The following PRKD2 variants were observed in gnomAD, a reference collection of about 807,000 sequenced individuals.
PRKD2 encodes serine/threonine-protein kinase D2.
In PRKD2, 22 loss-of-function variants were observed where a neutral mutation model predicts 86.0. That is an observed-to-expected ratio of 0.26 (90% CI 0.18 to 0.37). The LOEUF (loss-of-function observed/expected upper bound fraction) is 0.37, where lower values mean the gene tolerates loss of function less well. Among genes scored for constraint, PRKD2 ranks in the 10% least tolerant of loss-of-function variants. The probability of loss-of-function intolerance (pLI) is 1.00; values close to 1 mark genes in which losing one functional copy is unlikely to be tolerated. For synonymous variants in PRKD2, 509 were observed against 510.9 expected, an observed-to-expected ratio of 1.00 and a Z score of 0.05; for missense variants, 818 against 1,199.2, an observed-to-expected ratio of 0.68 and a Z score of 4.70.
At chr19:46,711,925 A>G (rs980112851) in intron 2 of PRKD2, among the ~76,000 whole-genome samples, 5 of 151,496 alleles carry the variant, frequency 3.3e-5, no homozygotes, top group Admixed American at 3.3e-4. Flanking sequence ...AAAATTAGCC[A>G]GGCCTGGTGC....
At chr19:46,680,114 T>G (rs776312707) in intron 15 of PRKD2, among the ~76,000 whole-genome samples, 21 of 152,044 alleles carry the variant, frequency 1.4e-4, no homozygotes, top group Non-Finnish European at 2.6e-4. Flanking sequence ...GAGCCCCAAA[T>G]CCTTGAAGCC....
At chr19:46,705,535 C>G (rs1316548116) in intron 3 of PRKD2, among the ~76,000 whole-genome samples, 1 of 152,146 alleles carries the variant, frequency 6.6e-6, no homozygotes, top group Non-Finnish European at 1.5e-5. Flanking sequence ...GCCTGTAATC[C>G]CAGCACTTTG....
intron 15 of PRKD2, among the ~76,000 whole-genome samples, chr19:46,680,946 A>ATTTTTT (rs1222612655): frequency 6.2e-4 from 30 of 48,200 alleles, no homozygotes; most frequent in Non-Finnish European, 9.7e-4. Context: ...ATATATATAT[A>ATTTTTT]TTTTTTTTTT....
rs61231695 is a variant in PRKD2, at chr19:46,708,308, CTTTT to C, written c.511+2595_511+2598del. On this transcript the variant is annotated intron_variant, in intron 3 of 17. Coordinates refer to ENST00000291281, the MANE Select transcript of PRKD2 (RefSeq NM_016457.5). ...GCTGTAATCCAATGGGACTGGTGAC[CTTTT>C]TTTTTTTTTTTTTTTTTTTTTTTCT... 9.7e-5 allele frequency among the ~76,000 whole-genome samples: 8 copies of C among 82,160 alleles called. 1 individual carries two copies. Among genetic ancestry groups the C allele is most frequent in the Admixed American group, 1.4e-4 (1 of 7,090 alleles). The allele number at this position is 82,160 out of a possible 152,430, so 53.9% of individuals were successfully genotyped here. A position where few individuals can be genotyped will look rare whatever the true frequency, so the allele number is the denominator to read the frequency against.
intron 16 of PRKD2, among the ~76,000 whole-genome samples, chr19:46,675,539 G>A (rs2053187188): frequency 6.6e-6 from 1 of 152,132 alleles, no homozygotes; most frequent in African/African-American, 2.4e-5. Context: ...CGCCTCCCGG[G>A]TTCATGTGAT....
Position 46,703,957 on chromosome 19 carries a change from CAA to C in PRKD2, c.889+210_889+211del, listed in dbSNP as rs1491474425. ...ACACCCTGTCTCCAAAAAACAACAACAACACACACACACACACACACACACAC... is the reference window on the plus strand; with the variant it reads ...ACACCCTGTCTCCAAAAAACAACAACCACACACACACACACACACACACAC... On this transcript the variant is annotated intron_variant, in intron 5 of 17. Coordinates refer to ENST00000291281, the MANE Select transcript of PRKD2 (RefSeq NM_016457.5). Among the ~76,000 whole-genome samples, 29 of 39,150 alleles carry C rather than the reference CAA, an allele frequency of 7.4e-4. No homozygotes were observed. The South Asian group carries it at 0.024, about 33-fold the overall frequency. 25.7% of individuals were successfully genotyped at this position (39,150 alleles called of 152,430 possible). A position where few individuals can be genotyped will look rare whatever the true frequency, so the allele number is the denominator to read the frequency against.
intron 15 of PRKD2, among the ~76,000 whole-genome samples, chr19:46,681,295 T>C (rs565144519): frequency 7.0e-6 from 1 of 143,530 alleles, no homozygotes; most frequent in East Asian, 2.2e-4. Context: ...CACTCTGTTA[T>C]TCAGGCTGGA....
intron 5 of PRKD2, among the ~76,000 whole-genome samples, chr19:46,703,867 C>A (rs1460456878): frequency 6.6e-6 from 1 of 151,646 alleles, no homozygotes; most frequent in South Asian, 2.1e-4. Flanking sequence ...TCACTTGAAC[C>A]CAGGAGGTTG....
chr19:46,713,705 T>C (rs984660323), intron 2 of PRKD2, among the ~76,000 whole-genome samples, 158 bp downstream of exon 2: 2 of 150,644 alleles, frequency 1.3e-5, no homozygotes, highest in Non-Finnish European at 3.0e-5. Context: ...GCTCAAGCGA[T>C]CCCCCCAGCT....
rs1484044263 is a variant in PRKD2 at position 46,678,736 on chromosome 19, C to T, written c.2071-73G>A. 6 of 1,494,740 alleles carry T rather than the reference C, an allele frequency of 4.0e-6. No homozygotes were observed. Among genetic ancestry groups the T allele is most frequent in the Non-Finnish European group, 5.4e-6 (6 of 1,109,370 alleles). 92.6% of individuals were successfully genotyped at this position (1,494,740 alleles called of 1,614,324 possible). On this transcript the variant is annotated intron_variant, in intron 15 of 17. Transcript: ENST00000291281. This position sits in a 1 kb window ranked among gnomAD's most constrained non-coding sequence, Gnocchi z 5.7. ...CCACCCCAGCATCCCCACCACACCACCCTCCATGGTATTCCAGAGAAAGCT... is the reference window on the plus strand; with the variant it reads ...CCACCCCAGCATCCCCACCACACCATCCTCCATGGTATTCCAGAGAAAGCT...
rs762970505 is a variant in PRKD2, at chr19:46,691,350, T to C, written c.1702+385A>G. 1.7e-4 allele frequency among the ~76,000 whole-genome samples: 26 copies of C among 152,098 alleles called. 1 individual carries two copies. Among genetic ancestry groups the C allele is most frequent in the Middle Eastern group, 3.4e-3 (1 of 294 alleles). Reference sequence around the variant, plus strand: ...GCCAGAGTGCAGAATCTACCCTCTTTTCCAATCAGAATCTACGAACTAGTT... The same window carrying C: ...GCCAGAGTGCAGAATCTACCCTCTTCTCCAATCAGAATCTACGAACTAGTT... On this transcript the variant is annotated intron_variant, in intron 12 of 17. Coordinates refer to ENST00000291281, the MANE Select transcript of PRKD2 (RefSeq NM_016457.5).
At chr19:46,681,783 G>T in intron 14 of PRKD2, 35 bp from the exon 15 acceptor site, 2 of 1,410,088 alleles carry the variant, frequency 1.4e-6, no homozygotes, top group Non-Finnish European at 2.0e-6. Flanking sequence ...AAGAAAGGTA[G>T]ATAGGTACTC....
At chr19:46,713,188 T>TTTA (rs1182816347) in intron 2 of PRKD2, among the ~76,000 whole-genome samples, 2 of 109,000 alleles carry the variant, frequency 1.8e-5, no homozygotes, top group Non-Finnish European at 3.2e-5. Flanking sequence ...CCGGTTAACT[T>TTTA]TTTTTTTTTT....
intron 5 of PRKD2, among the ~76,000 whole-genome samples, chr19:46,702,034 T>G (rs201554860): frequency 3.0e-4 from 39 of 131,676 alleles, no homozygotes; most frequent in African/African-American, 1.3e-3. Flanking sequence ...TGATTCTGTT[T>G]TTTGTTTTTT....
intron 14 of PRKD2, 139 bp from the exon 15 acceptor site, chr19:46,681,887 T>C: frequency 1.8e-6 from 1 of 561,438 alleles, no homozygotes. Flanking sequence ...TAGCCCAGGC[T>C]GGAAGTGCAG....
rs753426610 is a variant in PRKD2, at chr19:46,678,619, C to T, written c.2115G>A (p.Lys705=). 3 of 1,611,252 alleles carry T rather than the reference C, an allele frequency of 1.9e-6. No individual in the cohort carries two copies. The highest frequency in any genetic ancestry group is 2.5e-6 in the Non-Finnish European group (3 of 1,180,016). The change falls in exon 16 of 18, where the codon AAG becomes AAA. Residue 705 remains lysine (K), a synonymous_variant. Coordinates refer to ENST00000291281, the MANE Select transcript of PRKD2 (RefSeq NM_016457.5). The surrounding 1 kb of genome is among the most constrained non-coding windows in gnomAD (Gnocchi z 5.7). ...DFGFARIIGE[K]SFRRSVVGTP... ...TGCCCACCACTGAGCGGCGGAACGACTTCTCGCCGATGATGCGAGCAAAGC... is the reference window on the plus strand; with the variant it reads ...TGCCCACCACTGAGCGGCGGAACGATTTCTCGCCGATGATGCGAGCAAAGC...
intron 5 of PRKD2, among the ~76,000 whole-genome samples, chr19:46,703,771 CAAA>C (rs1185254793): frequency 8.7e-6 from 1 of 114,588 alleles, no homozygotes. Context: ...GACTCCGTCT[CAAA>C]AAAAAAAAAA....
intron 2 of PRKD2, among the ~76,000 whole-genome samples, chr19:46,712,338 C>A (rs150566955): frequency 6.6e-6 from 1 of 151,938 alleles, no homozygotes; most frequent in East Asian, 1.9e-4. Context: ...ATCAGCAGTT[C>A]GAGACCAGCC....
intron 3 of PRKD2, among the ~76,000 whole-genome samples, chr19:46,706,411 G>A (rs549065021): frequency 1.7e-4 from 26 of 152,286 alleles, no homozygotes; most frequent in South Asian, 1.2e-3. Flanking sequence ...CTGTAATCAC[G>A]GAGGCAAGCT....
Sources: allele counts gnomAD v4.1 joint callset (sites outside exome capture counted in the v4.1 genomes callset), GRCh38; gene constraint gnomAD v4.1.1; non-coding constraint Gnocchi (gnomAD v3.1); transcripts MANE v1.5; gene names NCBI Gene and HGNC (gene_info 2026-07-23, HGNC 2026-07-21).